The following TELO2 variants were observed in gnomAD, a reference collection of about 807,000 sequenced individuals.
The protein encoded by TELO2 is telomere maintenance 2, also known as telomere length regulation protein TEL2 homolog.
TELO2 carries 71 observed loss-of-function variants against 91.0 expected under a neutral mutation model. That is an observed-to-expected ratio of 0.78 (90% confidence interval 0.64 to 0.95). The LOEUF is 0.95. TELO2 is among the 40% of genes least tolerant of loss of function. The pLI is 0.00. For synonymous variants in TELO2, 584 were observed against 518.9 expected (o/e 1.13, Z -1.71); for missense variants, 1,183 against 1,141.3 (o/e 1.04, Z -0.53).
At position 1,502,132 on chromosome 16, in the gene TELO2, G is replaced by A. The variant is rs2039711106; in HGVS notation, c.1558G>A (p.Glu520Lys). 6.2e-7 allele frequency: 1 copy of A among 1,612,830 alleles called. No homozygotes were observed. Among genetic ancestry groups the A allele is most frequent in the Non-Finnish European group, 8.5e-7 (1 of 1,179,960 alleles). The change falls in exon 12 of 21, where the codon GAA becomes AAA. Residue 520 changes from glutamate to lysine, a missense_variant. Glu to Lys is a moderately conservative substitution (Grantham distance 56, BLOSUM62 1). Coordinates refer to ENST00000262319, the MANE Select transcript of TELO2 (RefSeq NM_016111.4). ...KAPAYVRDCV[E>K]ALTTSEDIER... is the part of the protein sequence containing the mutation. ...TCCTGCCTACGTCCGGGACTGCGTG[G>A]AAGGTGGGCACGGGCCCCTGGAGGG... is the stretch of plus-strand genomic sequence containing the variant.
At chr16:1,504,975 G>A (rs1405382751) in intron 15 of TELO2, among the ~76,000 whole-genome samples, 4 of 152,154 alleles carry the variant, frequency 2.6e-5, no homozygotes, top group South Asian at 4.1e-4. Flanking sequence ...CCGGTCTGGC[G>A]CTGGCCTGTT....
chr16:1,505,329 C>T lies in TELO2; in HGVS notation c.1843-81C>T, dbSNP rs1193956618. 6 of 1,513,362 alleles carry T rather than the reference C, an allele frequency of 4.0e-6. No homozygotes were observed. The highest frequency in any genetic ancestry group is 2.8e-5 in the African/African-American group (2 of 71,910). 93.7% of individuals were successfully genotyped at this position (1,513,362 alleles called of 1,614,324 possible). A position where few individuals can be genotyped will look rare whatever the true frequency, so the allele number is the denominator to read the frequency against. On this transcript the variant is annotated intron_variant, in intron 15 of 20. Coordinates refer to ENST00000262319, the MANE Select transcript of TELO2 (RefSeq NM_016111.4). The surrounding 1 kb of genome is among the most constrained non-coding windows in gnomAD (Gnocchi z 4.3). The stretch of plus-strand genomic sequence containing the variant: ...GCTGGGCGGGCCCCCGGGCCCGTTT[C>T]TGGGGCTTTGGCTGACTTGACTCTT...
rs1044603 is a variant in TELO2, at chr16:1,510,193, G to T, written c.*257G>T. ...GGCTGGGGCTGTGGGCGCTGCTGGC[G>T]GGGTTGACTCTTCCAGTGAGGGCAG... On this transcript the variant is annotated 3_prime_UTR_variant, in exon 21 of 21. Transcript: ENST00000262319. 2.0e-6 allele frequency: 1 copy of T among 503,316 alleles called. No homozygotes were observed. The highest frequency in any genetic ancestry group is 3.6e-6 in the Non-Finnish European group (1 of 276,336). 31.2% of individuals were successfully genotyped at this position (503,316 alleles called of 1,614,324 possible).
At chr16:1,496,561 C>T (rs1455260365) in intron 3 of TELO2, among the ~76,000 whole-genome samples, 1 of 152,240 alleles carries the variant, frequency 6.6e-6, no homozygotes, top group African/African-American at 2.4e-5. Context: ...GTGCTTTCCG[C>T]TGCCCCGCGT....
At chr16:1,502,858 G>A in intron 14 of TELO2, 73 bp from the exon 15 acceptor site, 2 of 1,603,676 alleles carry the variant, frequency 1.2e-6, no homozygotes, top group Non-Finnish European at 1.7e-6. Flanking sequence ...GGAGCTGGCT[G>A]TGAGGTGCCC....
chr16:1,504,875 CCT>C (rs2039834133), intron 15 of TELO2, among the ~76,000 whole-genome samples: 1 of 125,322 alleles, frequency 8.0e-6, no homozygotes, highest in Admixed American at 9.6e-5. Context: ...CACGCAGCCG[CCT>C]CTGTCTAGTC....
intron 20 of TELO2, 82 bp downstream of exon 20, chr16:1,507,798 TGTGTC>T: frequency 8.7e-7 from 1 of 1,147,528 alleles, no homozygotes; most frequent in Non-Finnish European, 1.2e-6. Context: ...GTGTGAGAGA[TGTGTC>T]GGCCCGGGGT....
intron 20 of TELO2, among the ~76,000 whole-genome samples, chr16:1,509,279 G>A (rs2040029659): frequency 6.6e-6 from 1 of 152,106 alleles, no homozygotes; most frequent in Admixed American, 6.5e-5. Flanking sequence ...GGGTCTACAG[G>A]TGCCTCCTCA....
At chr16:1,504,168 C>G (rs2039802166) in intron 15 of TELO2, among the ~76,000 whole-genome samples, 1 of 150,246 alleles carries the variant, frequency 6.7e-6, no homozygotes, top group Admixed American at 6.6e-5. Flanking sequence ...GCCACGGCGG[C>G]TCACACCTGT....
Position 1,497,177 on chromosome 16 carries a change from A to AT in TELO2, c.682+73_682+74insT. On this transcript the variant is annotated intron_variant, in intron 4 of 20. Transcript: ENST00000262319. This position sits in a 1 kb window ranked among gnomAD's most constrained non-coding sequence, Gnocchi z 4.0. ...CCCATCAGCCTTCTGCAGAAGGCCG[A>AT]GAATCCCTCCTGACCCTGGCCCTCT... 1 of 1,589,298 alleles carries AT rather than the reference A, an allele frequency of 6.3e-7. No individual in the cohort carries two copies. The highest frequency in any genetic ancestry group is 8.6e-7 in the Non-Finnish European group (1 of 1,163,446).
chr16:1,501,273 A>G (rs1156932760), intron 9 of TELO2, 147 bp from the exon 10 acceptor site: 1 of 829,098 alleles, frequency 1.2e-6, no homozygotes. Context: ...AGTCGCTTTT[A>G]AAAAGACACC....
chr16:1,501,886 T>C (rs983727470), intron 11 of TELO2, 113 bp downstream of exon 11: 3 of 1,451,816 alleles, frequency 2.1e-6, no homozygotes, highest in Non-Finnish European at 2.8e-6. Context: ...GCTTCTTCTC[T>C]TTCGTCCTCA....
chr16:1,500,077 G>GCC lies in TELO2; in HGVS notation c.934-18_934-17insCC, dbSNP rs1596257295. On this transcript the variant is annotated intron_variant, in intron 6 of 20. Transcript: ENST00000262319. ...GCGGCGGCCTCAGCCCAGTGGACAG[G>GCC]CATGTGCTTTTATTGCAGACGCCCA... is the stretch of plus-strand genomic sequence containing the variant. The GCC allele has an allele frequency of 6.2e-7, 1 of 1,606,780 alleles. No individual in the cohort carries two copies. The highest frequency in any genetic ancestry group is 8.5e-7 in the Non-Finnish European group (1 of 1,177,812).
chr16:1,508,427 G>A (rs774621358), intron 20 of TELO2, among the ~76,000 whole-genome samples: 5 of 152,330 alleles, frequency 3.3e-5, no homozygotes, highest in East Asian at 3.9e-4. Flanking sequence ...CACCGCGCCC[G>A]GCCAGTCCCA....
intron 6 of TELO2, among the ~76,000 whole-genome samples, chr16:1,499,710 C>T (rs535124627): frequency 1.1e-4 from 16 of 152,318 alleles, no homozygotes; most frequent in African/African-American, 3.4e-4. Context: ...GGGGGTGAGC[C>T]AGGTCCCCTG....
rs770696909 is a variant in TELO2, at chr16:1,495,444, C to G, written c.434C>G (p.Thr145Arg). Residue 145 changes from threonine to arginine, a missense_variant, in exon 3 of 21, where the codon ACG becomes AGG. By Grantham distance (71) the Thr-to-Arg change is moderately conservative. Transcript: ENST00000262319. ...ATGGAGGCGCAGTGTCGGCAGCAGACGCAGCCCGGCTTCATCCTGCTCCGG... is the reference window on the plus strand; with the variant it reads ...ATGGAGGCGCAGTGTCGGCAGCAGAGGCAGCCCGGCTTCATCCTGCTCCGG... ...VLMEAQCRQQ[T>R]QPGFILLRET... 7.5e-6 allele frequency: 12 copies of G among 1,604,058 alleles called. No individual in the cohort carries two copies. In the African/African-American group the frequency reaches 1.2e-4, roughly 16 times the overall value.
rs2039858646 is a variant in TELO2, at chr16:1,505,500, C to T, written c.1933C>T (p.Leu645=). Residue 645 remains leucine, a synonymous_variant, in exon 16 of 21, where the codon CTG becomes TTG. Transcript: ENST00000262319. The surrounding 1 kb of genome is among the most constrained non-coding windows in gnomAD (Gnocchi z 4.3). The part of the protein sequence containing the change: ...PGSPSPNTPC[L]PEAAVSQPGS... Reference sequence around the variant, plus strand: ...CTCCCCAAGTCCCAACACCCCGTGCCTGCCAGAGGCAGCCGTCTCTCAGCC... The same window carrying T: ...CTCCCCAAGTCCCAACACCCCGTGCTTGCCAGAGGCAGCCGTCTCTCAGCC... 6.2e-7 allele frequency: 1 copy of T among 1,613,190 alleles called. No homozygotes were observed. Among genetic ancestry groups the T allele is most frequent in the African/African-American group, 1.3e-5 (1 of 75,082 alleles).
rs1267528003 is a variant in TELO2, at chr16:1,495,549, T to C, written c.539T>C (p.Phe180Ser). ...CAGCAGGAGAACTTGGCCGAGTTCTTCCCCCAGAACTACTTCCGCCTGCTC... is the reference window on the plus strand; with the variant it reads ...CAGCAGGAGAACTTGGCCGAGTTCTCCCCCCAGAACTACTTCCGCCTGCTC... The part of the protein sequence containing the change: ...RLQQENLAEF[F>S]PQNYFRLLGE... Residue 180 changes from phenylalanine (F) to serine (S), a missense_variant, in exon 3 of 21, where the codon TTC becomes TCC. Transcript: ENST00000262319. 1 of 1,611,992 alleles carries C rather than the reference T, an allele frequency of 6.2e-7. No individual in the cohort carries two copies. Among genetic ancestry groups the C allele is most frequent in the East Asian group, 2.2e-5 (1 of 44,874 alleles).
rs975010027 is a variant in TELO2 at position 1,497,358 on chromosome 16, C to T, written c.683-3C>T. 1.9e-6 allele frequency: 3 copies of T among 1,544,754 alleles called. No homozygotes were observed. Among genetic ancestry groups the T allele is most frequent in the Non-Finnish European group, 2.6e-6 (3 of 1,144,000 alleles). On this transcript the variant is annotated splice_polypyrimidine_tract_variant and splice_region_variant and intron_variant, in intron 4 of 20. Coordinates refer to ENST00000262319, the MANE Select transcript of TELO2 (RefSeq NM_016111.4). The surrounding 1 kb of genome is among the most constrained non-coding windows in gnomAD (Gnocchi z 4.0). ...GGCTCAGGTCCTCCGTCTGTCCCCT[C>T]AGAGGAGATCCTGGGCGTGCTGGTA... is the stretch of plus-strand genomic sequence containing the variant.
Sources: allele counts gnomAD v4.1 joint callset (sites outside exome capture counted in the v4.1 genomes callset), GRCh38; gene constraint gnomAD v4.1.1; non-coding constraint Gnocchi (gnomAD v3.1); transcripts MANE v1.5; gene names NCBI Gene and HGNC (gene_info 2026-07-23, HGNC 2026-07-21).